Variants in PLCH2 observed in about 807,000 individuals in gnomAD.
PLCH2 encodes the protein phospholipase C eta 2.
In PLCH2, 98 loss-of-function variants were observed where a neutral mutation model predicts 134.7. The observed-to-expected ratio is 0.73, with a 90% CI of 0.62 to 0.86. The LOEUF (loss-of-function observed/expected upper bound fraction) is 0.86. Ranked by LOEUF, PLCH2 falls within the 40% of genes least tolerant of loss-of-function variation. The pLI is 0.00. For missense variants in PLCH2, 1,994 were observed against 1,986.6 expected (o/e 1.00, Z -0.07); for synonymous variants, 974 against 827.5 (o/e 1.18, Z -3.04).
At chr1:2,418,517 G>A in the PLCH2 span, among the ~76,000 whole-genome samples, 1 of 152,232 alleles carries the variant, frequency 6.6e-6, no homozygotes, top group Non-Finnish European at 1.5e-5. Context: ...TCCCTCGGAC[G>A]GCTGAATGGT....
chr1:2,426,403 C>T (rs577393527), intron 1 of PLCH2, among the ~76,000 whole-genome samples: 5 of 152,322 alleles, frequency 3.3e-5, no homozygotes, highest in Admixed American at 1.3e-4. Flanking sequence ...AGTGGGGCTC[C>T]GGGGTGTCCC....
At chr1:2,467,452 C>G (rs566212530), upstream of PLCH2, 1 of 286,998 alleles carries the variant, frequency 3.5e-6, no homozygotes, top group South Asian at 2.8e-4. Flanking sequence ...GCCTTCCTCA[C>G]CTTCCTCACG....
At chr1:2,482,854 A>G (rs572583559) in intron 4 of PLCH2, among the ~76,000 whole-genome samples, 2 of 152,296 alleles carry the variant, frequency 1.3e-5, no homozygotes, top group African/African-American at 4.8e-5. Context: ...GCACATCTGC[A>G]GGCCGAGGCG....
At chr1:2,438,257 A>T (rs1345627355) in intron 2 of PLCH2, among the ~76,000 whole-genome samples, 5 of 152,222 alleles carry the variant, frequency 3.3e-5, no homozygotes, top group African/African-American at 1.2e-4. Context: ...TGCAGGCGAC[A>T]GTTGGTTTAC....
intron 1 of PLCH2, among the ~76,000 whole-genome samples, chr1:2,477,503 G>A (rs1641699509): frequency 1.3e-5 from 2 of 152,266 alleles, no homozygotes; most frequent in Non-Finnish European, 2.9e-5. Flanking sequence ...GGGGATTAAC[G>A]TCTCTGTGCT....
At chr1:2,430,765 A>T (rs1379314466) in intron 2 of PLCH2, 1 of 152,292 alleles carries the variant, frequency 6.6e-6, no homozygotes, top group Non-Finnish European at 1.5e-5. Flanking sequence ...CCGTGATGTC[A>T]CCTGGGGAGA....
chr1:2,496,765 T>C, intron 14 of PLCH2, 61 bp downstream of exon 14: 13 of 1,610,406 alleles, frequency 8.1e-6, no homozygotes, highest in Non-Finnish European at 1.7e-6. Context: ...ATCCCTGCTA[T>C]GCTGCTGGGC....
intron 13 of PLCH2, among the ~76,000 whole-genome samples, chr1:2,496,257 C>T (rs569964746): frequency 3.3e-5 from 5 of 152,358 alleles, no homozygotes; most frequent in Non-Finnish European, 7.3e-5. Flanking sequence ...TGGACCCTGG[C>T]CTCCTCTCCA....
At position 2,478,640 on chromosome 1, in the gene PLCH2, G is replaced by A. The variant is rs1570404261; in HGVS notation, c.271+18G>A. On this transcript the variant is annotated intron_variant, in intron 2 of 21. Transcript: ENST00000378486. ...GGCCAAGAGTGAGTGGGAGCCCTGG[G>A]GTGGGGACAAATCAGAGTCCCTGGG... The A allele has an allele frequency of 6.3e-7, 1 of 1,597,766 alleles. No individual in the cohort carries two copies. Among genetic ancestry groups the A allele is most frequent in the East Asian group, 2.3e-5 (1 of 44,008 alleles).
intron 8 of PLCH2, 21 bp from the exon 9 acceptor site, chr1:2,489,186 C>T (rs1397068948): frequency 6.2e-7 from 1 of 1,611,280 alleles, no homozygotes; most frequent in South Asian, 1.1e-5. Flanking sequence ...TCATCCTGCT[C>T]TTTCTGCCTT....
intron 1 of PLCH2, among the ~76,000 whole-genome samples, chr1:2,471,142 G>A (rs1178831940): frequency 6.6e-6 from 1 of 152,210 alleles, no homozygotes; most frequent in Non-Finnish European, 1.5e-5. Flanking sequence ...TACCGCTGCT[G>A]TGAGCTGGGC....
intron 4 of PLCH2, among the ~76,000 whole-genome samples, chr1:2,482,449 ACACCTCG>A (rs1642023893): frequency 6.6e-6 from 1 of 152,114 alleles, no homozygotes; most frequent in Non-Finnish European, 1.5e-5. Flanking sequence ...GGCTACCCTC[ACACCTCG>A]CACCAGGCAC....
At chr1:2,454,670 C>T (rs543926558) in intron 2 of PLCH2, among the ~76,000 whole-genome samples, 117 of 152,304 alleles carry the variant, frequency 7.7e-4, no homozygotes, top group Admixed American at 3.1e-3. Context: ...GGACCTGAGC[C>T]CCAGTGGCTT....
chr1:2,422,146 G>C (rs573470364), upstream of PLCH2, among the ~76,000 whole-genome samples: 2 of 152,254 alleles, frequency 1.3e-5, no homozygotes, highest in African/African-American at 4.8e-5. Flanking sequence ...GCAGGTGCCT[G>C]TAATCTTAGC....
At chr1:2,432,695 T>C (rs538682665) in intron 2 of PLCH2, among the ~76,000 whole-genome samples, 174 of 152,018 alleles carry the variant, frequency 1.1e-3, no homozygotes, top group Non-Finnish European at 1.9e-3. Flanking sequence ...GAGCCTTCAC[T>C]CCTGATCCCT....
rs752454893 is a variant in PLCH2 at position 2,448,392 on chromosome 1, C to T, written c.115+17763C>T. On this transcript the variant is annotated intron_variant, in intron 2 of 3. Transcript: ENST00000609981. The surrounding 1 kb of genome is among the most constrained non-coding windows in gnomAD (Gnocchi z 4.0). ...GCTCTGGCGTCCCTTGGGTTGTGGC[C>T]GCCTCCTGCTTCTGCCTGTCTTCCC... Among the ~76,000 whole-genome samples, 5 of 152,108 alleles carry T rather than the reference C, an allele frequency of 3.3e-5. No homozygotes were observed. The highest frequency in any genetic ancestry group is 9.7e-5 in the African/African-American group (4 of 41,414).
At chr1:2,445,701 G>C (rs934549697) in intron 2 of PLCH2, among the ~76,000 whole-genome samples, 3 of 152,162 alleles carry the variant, frequency 2.0e-5, no homozygotes, top group Non-Finnish European at 4.4e-5. Flanking sequence ...CCTAGGTGGT[G>C]GTGGGGGCCT....
chr1:2,465,926 C>T (rs76627757), upstream of PLCH2, among the ~76,000 whole-genome samples: 10,117 of 152,262 alleles, frequency 0.066, 397 homozygotes, highest in East Asian at 0.13. Context: ...CACCCTTGGG[C>T]GTGTCTGTGG....
chr1:2,421,843 G>A (rs1298783805), upstream of PLCH2, among the ~76,000 whole-genome samples: 3 of 151,530 alleles, frequency 2.0e-5, no homozygotes, highest in African/African-American at 7.3e-5. Flanking sequence ...GCGTGGTGGC[G>A]CATGCCTGTA....
Sources: allele counts gnomAD v4.1 joint callset (sites outside exome capture counted in the v4.1 genomes callset), GRCh38; gene constraint gnomAD v4.1.1; non-coding constraint Gnocchi (gnomAD v3.1); transcripts MANE v1.5; gene names NCBI Gene and HGNC (gene_info 2026-07-23, HGNC 2026-07-21).